The following MACROD2 variants were observed in gnomAD, a reference collection of about 807,000 sequenced individuals.
MACROD2 encodes ADP-ribose glycohydrolase MACROD2.
A neutral mutation model predicts 70.4 loss-of-function variants in MACROD2; 36 were observed. The observed-to-expected ratio is 0.51, with a 90% CI of 0.39 to 0.68. The LOEUF (loss-of-function observed/expected upper bound fraction) is 0.68, where lower values mean the gene tolerates loss of function less well. MACROD2 is among the 30% of genes least tolerant of loss of function. The pLI is 0.00. For synonymous variants in MACROD2, 172 were observed against 178.8 expected, an observed-to-expected ratio of 0.96 and a Z score of 0.30; for missense variants, 496 against 538.4, an observed-to-expected ratio of 0.92 and a Z score of 0.78.
rs1206228298 is a variant in MACROD2, at chr20:15,345,407, G to C, written c.541-85998G>C. On this transcript the variant is annotated intron_variant, in intron 6 of 17. Coordinates refer to ENST00000684519, the MANE Select transcript of MACROD2 (RefSeq NM_001351661.2). The stretch of plus-strand genomic sequence containing the variant: ...GTATCCAGCAGCCCATGCTGTAAGA[G>C]TATTAGAATATTAGTTCCATTAGGG... Among the ~76,000 whole-genome samples the C allele has an allele frequency of 1.3e-5, 2 of 152,184 alleles. 1 individual carries two copies. The highest frequency in any genetic ancestry group is 2.9e-5 in the Non-Finnish European group (2 of 68,040).
chr20:15,938,073 T>TAA (rs61315679), intron 12 of MACROD2, among the ~76,000 whole-genome samples: 11 of 134,508 alleles, frequency 8.2e-5, no homozygotes, highest in South Asian at 2.4e-4. Flanking sequence ...CCAGAAAAAG[T>TAA]AAAAAAAAAA....
chr20:15,276,011 C>A (rs1232134126), intron 6 of MACROD2, among the ~76,000 whole-genome samples: 1 of 152,156 alleles, frequency 6.6e-6, no homozygotes, highest in East Asian at 1.9e-4. Flanking sequence ...ACATTTAGGT[C>A]ATTAATCAAT....
intron 8 of MACROD2, among the ~76,000 whole-genome samples, chr20:15,660,180 G>C (rs1452184646): frequency 6.6e-6 from 1 of 152,054 alleles, no homozygotes; most frequent in Non-Finnish European, 1.5e-5. Context: ...AGTCAGGCAA[G>C]CTACCAAAGT....
intron 8 of MACROD2, among the ~76,000 whole-genome samples, chr20:15,857,671 C>T (rs2064372565): frequency 6.6e-6 from 1 of 152,202 alleles, no homozygotes; most frequent in South Asian, 2.1e-4. Flanking sequence ...CTGTGGCCAG[C>T]CCTAACCCAG....
At chr20:14,117,526 A>T (rs1309927181) in intron 3 of MACROD2, among the ~76,000 whole-genome samples, 2 of 152,140 alleles carry the variant, frequency 1.3e-5, no homozygotes, top group East Asian at 3.9e-4. Context: ...GTAGAAACTG[A>T]CCTTCTAGAG....
At chr20:15,881,955 A>C (rs1489511970) in intron 9 of MACROD2, among the ~76,000 whole-genome samples, 1 of 152,088 alleles carries the variant, frequency 6.6e-6, no homozygotes, top group African/African-American at 2.4e-5. Context: ...AGGTAGTCTC[A>C]GTAATAGCAA....
At chr20:14,254,033 A>G (rs2082032856) in intron 3 of MACROD2, among the ~76,000 whole-genome samples, 1 of 152,142 alleles carries the variant, frequency 6.6e-6, no homozygotes, top group Non-Finnish European at 1.5e-5. Flanking sequence ...TAATACAAAA[A>G]TTAACAAATA....
chr20:14,916,415 A>T (rs907082108), intron 5 of MACROD2, among the ~76,000 whole-genome samples: 2 of 152,158 alleles, frequency 1.3e-5, no homozygotes, highest in African/African-American at 2.4e-5. Context: ...TTGGGCGAAA[A>T]ATCCAGGCTC....
chr20:15,959,096 A>G (rs1368441496), intron 12 of MACROD2, among the ~76,000 whole-genome samples: 3 of 152,266 alleles, frequency 2.0e-5, no homozygotes, highest in African/African-American at 7.2e-5. Context: ...CTAATAAAAT[A>G]ATAGCAGATT....
intron 3 of MACROD2, among the ~76,000 whole-genome samples, chr20:14,433,508 C>T (rs1407817547): frequency 6.6e-6 from 1 of 152,092 alleles, no homozygotes; most frequent in Non-Finnish European, 1.5e-5. Context: ...CCAAGTACTT[C>T]AAGATAGAGA....
chr20:15,362,860 A>C (rs2078369155), intron 6 of MACROD2, among the ~76,000 whole-genome samples: 1 of 152,098 alleles, frequency 6.6e-6, no homozygotes, highest in Admixed American at 6.6e-5. Context: ...AAAAAATTTA[A>C]AAATATATTT....
chr20:14,411,592 T>C (rs570654674), intron 3 of MACROD2, among the ~76,000 whole-genome samples: 170 of 152,304 alleles, frequency 1.1e-3, no homozygotes, highest in Non-Finnish European at 2.2e-3. Flanking sequence ...ATACTATCAC[T>C]GTGCTACTAA....
rs557754630 is a variant in MACROD2, at chr20:15,463,213, G to A, written c.571+31778G>A. ...ACATTCCATGTGTCAATGCCAACAG[G>A]AGGAATGACCGCCTGAAGAGGTGTG... On this transcript the variant is annotated intron_variant, in intron 7 of 17. Transcript: ENST00000684519. Among the ~76,000 whole-genome samples, 4 of 152,322 alleles carry A rather than the reference G, an allele frequency of 2.6e-5. No homozygotes were observed. In the East Asian group the frequency reaches 7.7e-4, roughly 29 times the overall value.
At chr20:14,303,772 G>A (rs1475621919) in intron 3 of MACROD2, among the ~76,000 whole-genome samples, 1 of 152,040 alleles carries the variant, frequency 6.6e-6, no homozygotes, top group Non-Finnish European at 1.5e-5. Flanking sequence ...CCAACCCACA[G>A]CCCCCAATGC....
rs907118659 is a variant in MACROD2 at position 15,847,830 on chromosome 20, T to C, written c.646-14915T>C. ...CGTAGTCTTCTCTTCTTTCTTTTTA[T>C]GTTTTTGTTTTTATTTGGTTAGTTA... On this transcript the variant is annotated intron_variant, in intron 8 of 17. Transcript: ENST00000684519. 2.0e-5 allele frequency among the ~76,000 whole-genome samples: 3 copies of C among 152,202 alleles called. No individual in the cohort carries two copies. The South Asian group carries it at 6.2e-4, about 31-fold the overall frequency.
At chr20:15,158,143 T>C (rs1022943308) in intron 5 of MACROD2, among the ~76,000 whole-genome samples, 4 of 152,160 alleles carry the variant, frequency 2.6e-5, no homozygotes, top group Admixed American at 1.3e-4. Flanking sequence ...TGACACATAA[T>C]AGGGGATATT....
intron 3 of MACROD2, among the ~76,000 whole-genome samples, chr20:14,219,218 T>C (rs1008244544): frequency 2.0e-5 from 3 of 152,184 alleles, no homozygotes; most frequent in Admixed American, 1.3e-4. Context: ...TCTTGGAGGC[T>C]TTGTTCATAT....
At chr20:15,675,018 T>TA (rs1223301577) in intron 8 of MACROD2, among the ~76,000 whole-genome samples, 1 of 152,156 alleles carries the variant, frequency 6.6e-6, no homozygotes, top group Admixed American at 6.5e-5. Flanking sequence ...TTATCAGTTA[T>TA]ATTGGTTTTA....
intron 3 of MACROD2, among the ~76,000 whole-genome samples, chr20:14,368,056 A>G (rs895282684): frequency 3.3e-5 from 5 of 152,078 alleles, no homozygotes; most frequent in African/African-American, 9.7e-5. Context: ...TAATTTCTTT[A>G]TCTTTACTGA....
Sources: allele counts gnomAD v4.1 joint callset (sites outside exome capture counted in the v4.1 genomes callset), GRCh38; gene constraint gnomAD v4.1.1; transcripts MANE v1.5; gene names NCBI Gene and HGNC (gene_info 2026-07-23, HGNC 2026-07-21).